The following CCDC146 variants were observed in gnomAD, a reference collection of about 807,000 sequenced individuals.
CCDC146 encodes the protein coiled-coil domain-containing protein 146.
CCDC146 carries 92 observed loss-of-function variants against 119.3 expected under a neutral mutation model. That is an observed-to-expected ratio of 0.77 (90% confidence interval 0.65 to 0.92). The LOEUF (loss-of-function observed/expected upper bound fraction) is 0.92. Among genes scored for constraint, CCDC146 ranks in the 40% least tolerant of loss-of-function variants. The probability of loss-of-function intolerance (pLI) is 0.00; values close to 1 mark genes in which losing one functional copy is unlikely to be tolerated. For missense variants in CCDC146, 1,000 were observed against 1,103.0 expected, an observed-to-expected ratio of 0.91 and a Z score of 1.32; for synonymous variants, 372 against 371.8, an observed-to-expected ratio of 1.00 and a Z score of -0.01.
Position 77,196,695 on chromosome 7 carries a change from T to C in CCDC146, c.156+28871T>C. 6.2e-7 allele frequency: 1 copy of C among 1,614,248 alleles called. No homozygotes were observed. The highest frequency in any genetic ancestry group is 1.3e-5 in the African/African-American group (1 of 75,068). ...ACACCATTAAAGTCTTCAAGATCTA[T>C]TCTCAGAATCATTTCCTTACTCTTG... On this transcript the variant is annotated intron_variant, in intron 2 of 18. Coordinates refer to ENST00000285871, the MANE Select transcript of CCDC146 (RefSeq NM_020879.3). The surrounding 1 kb of genome is among the most constrained non-coding windows in gnomAD (Gnocchi z 4.2).
intron 2 of CCDC146, chr7:77,195,172 C>CG (rs1022264996): frequency 6.6e-6 from 1 of 151,742 alleles, no homozygotes; most frequent in East Asian, 1.9e-4. Flanking sequence ...ACCCACCCCC[C>CG]CCAAAAAAAC....
At chr7:77,236,067 T>C (rs918241624) in intron 2 of CCDC146, among the ~76,000 whole-genome samples, 14 of 32,076 alleles carry the variant, frequency 4.4e-4, no homozygotes, top group African/African-American at 7.1e-4. Context: ...TGAGACTCCG[T>C]CATAAATAAA....
At chr7:77,279,587 G>A (rs56767501) in intron 13 of CCDC146, among the ~76,000 whole-genome samples, 35,226 of 152,042 alleles carry the variant, frequency 0.23, 4,776 homozygotes, top group African/African-American at 0.36. Flanking sequence ...GAGGCAATAC[G>A]TTATAGCAGA....
chr7:77,203,924 A>G (rs926219406), intron 2 of CCDC146, among the ~76,000 whole-genome samples: 5 of 152,178 alleles, frequency 3.3e-5, no homozygotes, highest in Non-Finnish European at 7.3e-5. Context: ...ACATGTTCAG[A>G]CTTCCTTTTT....
intron 2 of CCDC146, among the ~76,000 whole-genome samples, chr7:77,180,420 C>T (rs544766456): frequency 1.3e-5 from 2 of 152,254 alleles, no homozygotes; most frequent in Admixed American, 1.3e-4. Context: ...TGCTTTAAGA[C>T]CAGGTATGGT....
At chr7:77,206,087 G>A (rs1792075289) in intron 2 of CCDC146, among the ~76,000 whole-genome samples, 1 of 152,172 alleles carries the variant, frequency 6.6e-6, no homozygotes, top group African/African-American at 2.4e-5. Flanking sequence ...GTCCATAGAT[G>A]ATCCACAGGT....
At chr7:77,253,409 T>C (rs1793116030) in intron 4 of CCDC146, among the ~76,000 whole-genome samples, 1 of 152,262 alleles carries the variant, frequency 6.6e-6, no homozygotes, top group African/African-American at 2.4e-5. Context: ...TGGACTCTTC[T>C]GTGATTTCTG....
chr7:77,246,047 C>T (rs868490994), intron 4 of CCDC146, among the ~76,000 whole-genome samples: 1 of 152,050 alleles, frequency 6.6e-6, no homozygotes, highest in Non-Finnish European at 1.5e-5. Flanking sequence ...CCCAGCCCAC[C>T]GCCCCCACCC....
chr7:77,268,460 C>A (rs983571778), intron 9 of CCDC146, among the ~76,000 whole-genome samples: 1 of 152,146 alleles, frequency 6.6e-6, no homozygotes, highest in African/African-American at 2.4e-5. Context: ...CTGACTTGTT[C>A]CAAAGTAGTC....
intron 17 of CCDC146, among the ~76,000 whole-genome samples, chr7:77,289,943 G>A (rs112324332): frequency 2.8e-4 from 42 of 152,290 alleles, no homozygotes; most frequent in African/African-American, 9.6e-4. Context: ...ACATGCACAC[G>A]TATGTTTATT....
rs544954274 is a variant in CCDC146, at chr7:77,184,200, T to C, written c.156+16376T>C. Among the ~76,000 whole-genome samples the C allele has an allele frequency of 2.6e-5, 4 of 152,334 alleles. No homozygotes were observed. In the South Asian group the frequency reaches 8.3e-4, roughly 32 times the overall value. On this transcript the variant is annotated intron_variant, in intron 2 of 18. Coordinates refer to ENST00000285871, the MANE Select transcript of CCDC146 (RefSeq NM_020879.3). ...CATGATACAGAAAAAAAAGCAGAACTATTCCAGCTAAATAGTGTTTCACAC... is the reference window on the plus strand; with the variant it reads ...CATGATACAGAAAAAAAAGCAGAACCATTCCAGCTAAATAGTGTTTCACAC...
In CCDC146 at chr7:77,280,485, T is replaced by G. The variant is rs765660008; in HGVS notation, c.1751T>G (p.Met584Arg). ...HANNVTIRES[M>R]QNDVRKIVSK... is the part of the protein sequence containing the mutation. Reference sequence around the variant, plus strand: ...AACAATGTTACCATCAGAGAGAGCATGCAAAACGATGTGCGCAAAATTGTA... The same window carrying G: ...AACAATGTTACCATCAGAGAGAGCAGGCAAAACGATGTGCGCAAAATTGTA... The change falls in exon 14 of 19, where the codon ATG becomes AGG. Residue 584 changes from methionine (M) to arginine (R), a missense_variant. This residue lies in a region of CCDC146 where 985 missense variants were observed against 1,045.3 expected (regional missense o/e 0.94). Transcript: ENST00000285871. 2 of 1,614,012 alleles carry G rather than the reference T, an allele frequency of 1.2e-6. No homozygotes were observed. Among genetic ancestry groups the G allele is most frequent in the Non-Finnish European group, 1.7e-6 (2 of 1,180,022 alleles).
At chr7:77,231,471 G>C (rs189841229) in intron 2 of CCDC146, among the ~76,000 whole-genome samples, 3 of 152,122 alleles carry the variant, frequency 2.0e-5, no homozygotes, top group South Asian at 4.1e-4. Flanking sequence ...TCCATTCAGG[G>C]ATCCTCCTGG....
chr7:77,266,366 T>G (rs1293407331), intron 9 of CCDC146, among the ~76,000 whole-genome samples: 3 of 152,230 alleles, frequency 2.0e-5, no homozygotes, highest in African/African-American at 7.2e-5. Context: ...AACAACATAC[T>G]ATACTGAGAA....
intron 11 of CCDC146, among the ~76,000 whole-genome samples, chr7:77,275,691 T>C (rs1793621961): frequency 2.0e-5 from 3 of 152,128 alleles, no homozygotes; most frequent in Admixed American, 6.5e-5. Context: ...CAGATACCCT[T>C]AGTTGCTTCA....
At position 77,178,074 on chromosome 7, in the gene CCDC146, A is replaced by G. The variant is rs1791527519; in HGVS notation, c.156+10250A>G. Among the ~76,000 whole-genome samples the G allele has an allele frequency of 2.6e-5, 4 of 152,234 alleles. No individual in the cohort carries two copies. In the South Asian group the frequency reaches 8.3e-4, roughly 31 times the overall value. The stretch of plus-strand genomic sequence containing the variant: ...ATATTGACACTAAGATTATAAGAAT[A>G]CAGGCCAAATTCCACTTTGCAAAGT... On this transcript the variant is annotated intron_variant, in intron 2 of 18. Transcript: ENST00000285871.
Position 77,279,015 on chromosome 7 carries a change from T to C in CCDC146, c.1608T>C (p.His536=). The C allele has an allele frequency of 6.2e-7, 1 of 1,612,432 alleles. No individual in the cohort carries two copies. Among genetic ancestry groups the C allele is most frequent in the Non-Finnish European group, 8.5e-7 (1 of 1,179,226 alleles). Residue 536 remains histidine (H), a synonymous_variant, in exon 13 of 19, where the codon CAT becomes CAC. Transcript: ENST00000285871. The part of the protein sequence containing the change: ...NKFVNLLHKA[H]QKVNEIKERH... ...TTGTTAACTTACTCCACAAAGCTCATCAGAAAGTAAATGAAATAAAAGAAA... is the reference window on the plus strand; with the variant it reads ...TTGTTAACTTACTCCACAAAGCTCACCAGAAAGTAAATGAAATAAAAGAAA...
At chr7:77,184,645 T>C (rs976530799) in intron 2 of CCDC146, among the ~76,000 whole-genome samples, 5 of 152,180 alleles carry the variant, frequency 3.3e-5, no homozygotes, top group Non-Finnish European at 7.3e-5. Flanking sequence ...GCAGAATTTG[T>C]TCATCAGCAA....
chr7:77,123,173 G>C (rs1231026685), intron 1 of CCDC146, among the ~76,000 whole-genome samples: 8 of 150,462 alleles, frequency 5.3e-5, no homozygotes, highest in Non-Finnish European at 7.4e-5. Flanking sequence ...AAAATTATGA[G>C]AGATCAGAAC....
Sources: allele counts gnomAD v4.1 joint callset (sites outside exome capture counted in the v4.1 genomes callset), GRCh38; gene constraint gnomAD v4.1.1; regional missense constraint gnomAD v4.1.1; non-coding constraint Gnocchi (gnomAD v3.1); transcripts MANE v1.5; gene names NCBI Gene and HGNC (gene_info 2026-07-23, HGNC 2026-07-21).